Variants in PTPRD observed in about 807,000 individuals in gnomAD.
PTPRD encodes protein tyrosine phosphatase receptor type D.
PTPRD carries 34 observed loss-of-function variants against 214.5 expected under a neutral mutation model. The ratio of observed to expected loss-of-function variants is 0.16; its 90% CI spans 0.12 to 0.21. The LOEUF (loss-of-function observed/expected upper bound fraction) is 0.21. Among genes scored for constraint, PTPRD ranks in the 10% least tolerant of loss-of-function variants. The pLI, the probability that PTPRD is intolerant of heterozygous loss-of-function variation, is 1.00. For synonymous variants in PTPRD, 1,128 were observed against 845.7 expected, an observed-to-expected ratio of 1.33 and a Z score of -5.79; for missense variants, 2,545 against 2,398.7, an observed-to-expected ratio of 1.06 and a Z score of -1.27.
chr9:9,777,086 G>T (rs2098804139), intron 5 of PTPRD, among the ~76,000 whole-genome samples: 1 of 152,170 alleles, frequency 6.6e-6, no homozygotes, highest in Non-Finnish European at 1.5e-5. Context: ...TTTTGAAACA[G>T]ATATGCTAGT....
chr9:8,485,140 G>C, intron 29 of PTPRD, 87 bp downstream of exon 29: 1 of 1,110,054 alleles, frequency 9.0e-7, no homozygotes, highest in Non-Finnish European at 1.3e-6. Flanking sequence ...AAACAAAGTG[G>C]TCTGCTTGCT....
intron 4 of PTPRD, among the ~76,000 whole-genome samples, chr9:9,949,361 TCTTA>T (rs1473270703): frequency 2.0e-5 from 3 of 148,880 alleles, no homozygotes; most frequent in Admixed American, 6.6e-5. Context: ...ATTAACACCT[TCTTA>T]ATTATTTGAT....
At chr9:9,568,747 GTAAC>G (rs2085386658) in intron 8 of PTPRD, among the ~76,000 whole-genome samples, 1 of 151,758 alleles carries the variant, frequency 6.6e-6, no homozygotes, top group South Asian at 2.1e-4. Context: ...CCACTGATGG[GTAAC>G]TAAAGTTTTG....
At chr9:8,820,156 T>C (rs2097021184) in intron 11 of PTPRD, among the ~76,000 whole-genome samples, 1 of 152,190 alleles carries the variant, frequency 6.6e-6, no homozygotes, top group Non-Finnish European at 1.5e-5. Flanking sequence ...TATGTTTATA[T>C]TCTTAAAATA....
chr9:10,030,804 C>T (rs72692788), intron 4 of PTPRD, among the ~76,000 whole-genome samples: 34,160 of 152,152 alleles, frequency 0.22, 4,853 homozygotes, highest in Middle Eastern at 0.31. Context: ...TGTCATACTC[C>T]CATCCCGCTT....
At chr9:9,789,047 T>G (rs2098947800) in intron 5 of PTPRD, among the ~76,000 whole-genome samples, 1 of 152,204 alleles carries the variant, frequency 6.6e-6, no homozygotes, top group Non-Finnish European at 1.5e-5. Context: ...ACATTATACA[T>G]GTTTAAATAT....
intron 4 of PTPRD, among the ~76,000 whole-genome samples, chr9:9,972,233 A>G (rs890541346): frequency 6.6e-6 from 1 of 152,174 alleles, no homozygotes; most frequent in Non-Finnish European, 1.5e-5. Flanking sequence ...CTTTTGCCAC[A>G]TTAAATAGCA....
intron 8 of PTPRD, among the ~76,000 whole-genome samples, chr9:9,444,757 C>T (rs1375787821): frequency 6.6e-6 from 1 of 152,102 alleles, no homozygotes; most frequent in African/African-American, 2.4e-5. Flanking sequence ...AGAAATGGTG[C>T]AGCAAATTCT....
chr9:9,051,167 T>C (rs1322445865), intron 10 of PTPRD, among the ~76,000 whole-genome samples: 1 of 152,100 alleles, frequency 6.6e-6, no homozygotes, highest in Non-Finnish European at 1.5e-5. Context: ...ATAAATAAAA[T>C]TATAGATTTT....
chr9:8,836,495 A>G (rs1472636792), intron 11 of PTPRD, among the ~76,000 whole-genome samples: 2 of 152,038 alleles, frequency 1.3e-5, no homozygotes, highest in Non-Finnish European at 2.9e-5. Context: ...CCATCCTAAC[A>G]AAAAATAGTG....
intron 5 of PTPRD, among the ~76,000 whole-genome samples, chr9:9,818,440 T>C (rs1392432445): frequency 6.6e-6 from 1 of 152,166 alleles, no homozygotes; most frequent in Non-Finnish European, 1.5e-5. Context: ...TCCTCTTAAT[T>C]ACAGAGGTTC....
At chr9:8,850,961 T>C (rs1017026782) in intron 11 of PTPRD, among the ~76,000 whole-genome samples, 1 of 152,206 alleles carries the variant, frequency 6.6e-6, no homozygotes, top group African/African-American at 2.4e-5. Flanking sequence ...AAGCAGACAC[T>C]GGATCAGCAT....
At chr9:9,425,533 A>C (rs2080521241) in intron 8 of PTPRD, among the ~76,000 whole-genome samples, 1 of 149,144 alleles carries the variant, frequency 6.7e-6, no homozygotes, top group Admixed American at 6.7e-5. Context: ...CAAAAATCAC[A>C]ATTACTTTTG....
At chr9:9,446,247 C>T (rs1216084777) in intron 8 of PTPRD, among the ~76,000 whole-genome samples, 1 of 152,108 alleles carries the variant, frequency 6.6e-6, no homozygotes, top group African/African-American at 2.4e-5. Context: ...AAGGTTAACA[C>T]AAATTCCTAA....
intron 9 of PTPRD, among the ~76,000 whole-genome samples, chr9:9,225,836 G>C (rs2099959098): frequency 6.6e-6 from 1 of 151,980 alleles, no homozygotes; most frequent in South Asian, 2.1e-4. Context: ...AGTGTCTTTA[G>C]GGTATTTAGG....
At chr9:9,678,845 G>C (rs1270612876) in intron 7 of PTPRD, among the ~76,000 whole-genome samples, 2 of 151,746 alleles carry the variant, frequency 1.3e-5, no homozygotes, top group African/African-American at 4.8e-5. Flanking sequence ...GATGATCAAG[G>C]GTAGTCAGAG....
intron 8 of PTPRD, among the ~76,000 whole-genome samples, chr9:9,438,118 T>C (rs1171151272): frequency 6.6e-6 from 1 of 152,200 alleles, no homozygotes; most frequent in Non-Finnish European, 1.5e-5. Flanking sequence ...GCCACAGTTA[T>C]ACTGGAGTAG....
intron 5 of PTPRD, among the ~76,000 whole-genome samples, chr9:9,841,685 G>A (rs1215227496): frequency 6.6e-6 from 1 of 151,936 alleles, no homozygotes. Context: ...TATTTTTAGT[G>A]GTAAAACTAA....
At chr9:8,857,379 C>T (rs1180908714) in intron 11 of PTPRD, among the ~76,000 whole-genome samples, 1 of 152,192 alleles carries the variant, frequency 6.6e-6, no homozygotes, top group Admixed American at 6.5e-5. Flanking sequence ...TACCCGGACA[C>T]CCCCATTCTC....
Sources: allele counts gnomAD v4.1 joint callset (sites outside exome capture counted in the v4.1 genomes callset), GRCh38; gene constraint gnomAD v4.1.1; transcripts MANE v1.5; gene names NCBI Gene and HGNC (gene_info 2026-07-23, HGNC 2026-07-21).